Variants in WDR11 observed in about 807,000 individuals in gnomAD.
The protein encoded by WDR11 is WD repeat-containing protein 11.
WDR11 carries 83 observed loss-of-function variants against 151.2 expected under a neutral mutation model. The observed-to-expected ratio is 0.55, with a 90% CI of 0.46 to 0.66. WDR11 has a LOEUF of 0.66. WDR11 is among the 30% of genes least tolerant of loss of function. The probability of loss-of-function intolerance (pLI) is 0.00; values close to 1 mark genes in which losing one functional copy is unlikely to be tolerated. For synonymous variants in WDR11, 484 were observed against 533.1 expected (o/e 0.91, Z 1.27); for missense variants, 1,301 against 1,480.9 (o/e 0.88, Z 1.99).
chr10:120,904,434 A>C (rs1008350334), intron 24 of WDR11, among the ~76,000 whole-genome samples: 2 of 152,214 alleles, frequency 1.3e-5, no homozygotes, highest in African/African-American at 4.8e-5. Context: ...ATAGGCAATT[A>C]CTCGAGCACC....
intron 2 of WDR11, among the ~76,000 whole-genome samples, chr10:120,858,224 C>G (rs1363194151): frequency 6.6e-6 from 1 of 151,874 alleles, no homozygotes; most frequent in Non-Finnish European, 1.5e-5. Flanking sequence ...CTGACTTTCC[C>G]TCTGCAAGGT....
In WDR11 at chr10:120,851,366, T is replaced by G; in HGVS notation, c.-55T>G. 6.6e-7 allele frequency: 1 copy of G among 1,512,156 alleles called. No individual in the cohort carries two copies. Among genetic ancestry groups the G allele is most frequent in the Non-Finnish European group, 9.0e-7 (1 of 1,105,262 alleles). 93.7% of individuals were successfully genotyped at this position (1,512,156 alleles called of 1,614,324 possible). A position where few individuals can be genotyped will look rare whatever the true frequency, so the allele number is the denominator to read the frequency against. On this transcript the variant is annotated 5_prime_UTR_variant, in exon 1 of 29. Transcript: ENST00000263461. ...GACTCTGTTTGGAACGGAAGCACAG[T>G]GTCCGCCGCTTCCTGGTTGCGGGTC...
chr10:120,897,639 C>T (rs1847660544), intron 19 of WDR11, among the ~76,000 whole-genome samples: 1 of 152,162 alleles, frequency 6.6e-6, no homozygotes, highest in African/African-American at 2.4e-5. Context: ...GAACGTAGGG[C>T]ATTCTCCACA....
At chr10:120,900,328 A>C (rs1488736456) in intron 20 of WDR11, among the ~76,000 whole-genome samples, 191 bp downstream of exon 20, 3 of 151,986 alleles carry the variant, frequency 2.0e-5, no homozygotes, top group African/African-American at 7.3e-5. Context: ...TGGGTCAGTG[A>C]GGAGCTGTGA....
In WDR11 at chr10:120,890,864, G is replaced by A; in HGVS notation, c.2492G>A (p.Arg831Lys). 1 of 1,614,184 alleles carries A rather than the reference G, an allele frequency of 6.2e-7. No homozygotes were observed. The highest frequency in any genetic ancestry group is 2.2e-5 in the East Asian group (1 of 44,860). ...ATGTCTATGAAGTCTGCGTGCTTTA[G>A]AATGGATGAACAAGAGTTAACCGGT... Reference protein sequence around the residue: ...LEMSMKSACFRMDEQELTEPV... With the variant: ...LEMSMKSACFKMDEQELTEPV... The change falls in exon 19 of 29, where the codon AGA becomes AAA. Residue 831 changes from arginine to lysine, a missense_variant. Coordinates refer to ENST00000263461, the MANE Select transcript of WDR11 (RefSeq NM_018117.12).
intron 3 of WDR11, among the ~76,000 whole-genome samples, chr10:120,859,563 TG>T (rs1307838641): frequency 2.0e-5 from 3 of 152,050 alleles, no homozygotes; most frequent in African/African-American, 7.2e-5. Flanking sequence ...CACTGCGCCC[TG>T]CCCAGTACAG....
intron 13 of WDR11, among the ~76,000 whole-genome samples, chr10:120,882,640 T>G (rs1292867983): frequency 6.6e-6 from 1 of 152,078 alleles, no homozygotes; most frequent in East Asian, 1.9e-4. Flanking sequence ...TTGTTGAAGT[T>G]GCTGAGTTTA....
chr10:120,879,738 A>G (rs1481893381), intron 12 of WDR11: 1 of 152,132 alleles, frequency 6.6e-6, no homozygotes, highest in Non-Finnish European at 1.5e-5. Flanking sequence ...TGTTTGGGGT[A>G]TAATAATAGT....
intron 11 of WDR11, among the ~76,000 whole-genome samples, chr10:120,876,793 G>A (rs1281838575): frequency 1.3e-5 from 2 of 152,144 alleles, no homozygotes; most frequent in Non-Finnish European, 2.9e-5. Flanking sequence ...CACTACAATC[G>A]TATGGGGCAG....
intron 19 of WDR11, among the ~76,000 whole-genome samples, chr10:120,895,013 G>A (rs1847557898): frequency 6.6e-6 from 1 of 152,144 alleles, no homozygotes; most frequent in Non-Finnish European, 1.5e-5. Flanking sequence ...TAACATATTT[G>A]TTTTAAAAAA....
At chr10:120,893,102 G>T (rs1454406199) in intron 19 of WDR11, among the ~76,000 whole-genome samples, 1 of 151,282 alleles carries the variant, frequency 6.6e-6, no homozygotes, top group Non-Finnish European at 1.5e-5. Flanking sequence ...CCATGTTGGT[G>T]TGCTGCACCC....
intron 19 of WDR11, among the ~76,000 whole-genome samples, chr10:120,897,116 CT>C (rs1342548648): frequency 6.6e-6 from 1 of 152,124 alleles, no homozygotes; most frequent in African/African-American, 2.4e-5. Flanking sequence ...TGGGGGTAGT[CT>C]GAGCATCACG....
At position 120,900,966 on chromosome 10, in the gene WDR11, T is replaced by C. The variant is rs572238143; in HGVS notation, c.2625-70T>C. 3.9e-5 allele frequency: 45 copies of C among 1,161,590 alleles called. 1 individual carries two copies. In the East Asian group the frequency reaches 8.9e-4, roughly 23 times the overall value. The allele number at this position is 1,161,590 out of a possible 1,614,324, so 72.0% of individuals were successfully genotyped here. On this transcript the variant is annotated intron_variant, in intron 20 of 28. Transcript: ENST00000263461. ...GGTTATCTCTATATTAACACAACTTTTTTCAGGTGAAGAAATACGTGGTTT... is the reference window on the plus strand; with the variant it reads ...GGTTATCTCTATATTAACACAACTTCTTTCAGGTGAAGAAATACGTGGTTT...
intron 27 of WDR11, chr10:120,906,573 T>G (rs1344781272): frequency 2.1e-6 from 3 of 1,427,758 alleles, no homozygotes; most frequent in Non-Finnish European, 2.7e-6. Flanking sequence ...TTTAAAGTAT[T>G]AATTTTAAAA....
intron 20 of WDR11, 113 bp downstream of exon 20, chr10:120,900,250 C>G (rs1360378011): frequency 1.6e-5 from 15 of 941,828 alleles, no homozygotes; most frequent in Non-Finnish European, 2.5e-5. Context: ...GCCTTTAAAG[C>G]CGAGAGAAGG....
At chr10:120,896,566 C>G (rs374962461) in intron 19 of WDR11, among the ~76,000 whole-genome samples, 49 of 152,278 alleles carry the variant, frequency 3.2e-4, no homozygotes, top group African/African-American at 1.2e-3. Flanking sequence ...AACTAAAACA[C>G]AGAACTTCCC....
intron 3 of WDR11, 134 bp downstream of exon 3, chr10:120,858,930 T>C: frequency 9.0e-7 from 1 of 1,106,874 alleles, no homozygotes; most frequent in Non-Finnish European, 1.3e-6. Flanking sequence ...GTTTTGCCTA[T>C]TCTGCTGATC....
At chr10:120,887,292 A>G (rs1847255659) in intron 16 of WDR11, among the ~76,000 whole-genome samples, 1 of 152,210 alleles carries the variant, frequency 6.6e-6, no homozygotes, top group Admixed American at 6.5e-5. Flanking sequence ...TAGTATTATT[A>G]ACATTTACTA....
intron 5 of WDR11, among the ~76,000 whole-genome samples, chr10:120,863,584 A>G (rs1846211736): frequency 6.6e-6 from 1 of 152,236 alleles, no homozygotes; most frequent in African/African-American, 2.4e-5. Flanking sequence ...CAACTGAATA[A>G]AAGTTTATTT....
Sources: gnomAD v4.1 joint callset for allele counts (sites outside exome capture counted in the v4.1 genomes callset) on GRCh38, gnomAD v4.1.1 for gene constraint, MANE v1.5 for transcripts, NCBI Gene and HGNC (gene_info 2026-07-23, HGNC 2026-07-21) for gene names.